Variants in DDX27 observed in about 807,000 individuals in gnomAD.
DDX27 encodes the protein DEAD-box helicase 27.
DDX27 carries 42 observed loss-of-function variants against 99.3 expected under a neutral mutation model. The ratio of observed to expected loss-of-function variants is 0.42; its 90% CI spans 0.33 to 0.55. DDX27 has a LOEUF of 0.55. Ranked by LOEUF, DDX27 falls within the 20% of genes least tolerant of loss-of-function variation. The pLI is 0.07. For missense variants in DDX27, 798 were observed against 976.8 expected, an observed-to-expected ratio of 0.82 and a Z score of 2.44; for synonymous variants, 329 against 353.8, an observed-to-expected ratio of 0.93 and a Z score of 0.79.
rs1229539933 is a variant in DDX27, at chr20:49,228,206, GT to G, written c.707-507del. On this transcript the variant is annotated intron_variant, in intron 7 of 20. Coordinates refer to ENST00000618172, the MANE Select transcript of DDX27 (RefSeq NM_017895.8). Reference sequence around the variant, plus strand: ...CACCCAGGCTAGAGTGCAGTGGTGCGTTCTCAGCTCACTGCAACCTCTGCCT... The same window carrying G: ...CACCCAGGCTAGAGTGCAGTGGTGCGTCTCAGCTCACTGCAACCTCTGCCT... Among the ~76,000 whole-genome samples the G allele has an allele frequency of 6.0e-5, 9 of 151,256 alleles. No homozygotes were observed. In the East Asian group the frequency reaches 1.8e-3, roughly 29 times the overall value.
At position 49,242,164 on chromosome 20, in the gene DDX27, C is replaced by A; in HGVS notation, c.2074C>A (p.Arg692=). ...AGCGAAGAGGAATCGCAGAGCCAAG[C>A]GGGCCCGAGCAATGCCCGAGGAGGA... The part of the protein sequence containing the change: ...RLAKRNRRAK[R]ARAMPEEEPV... Residue 692 remains arginine, a synonymous_variant, in exon 18 of 21, where the codon CGG becomes AGG. Transcript: ENST00000618172. The A allele has an allele frequency of 1.9e-6, 3 of 1,614,134 alleles. No homozygotes were observed. The highest frequency in any genetic ancestry group is 2.5e-6 in the Non-Finnish European group (3 of 1,179,998).
At chr20:49,242,469 C>A in intron 18 of DDX27, 125 bp from the exon 19 acceptor site, 1 of 1,097,342 alleles carries the variant, frequency 9.1e-7, no homozygotes, top group Non-Finnish European at 1.3e-6. Flanking sequence ...CTGGTGAGGA[C>A]AGAATGAAAA....
At chr20:49,242,268 G>A (rs1980505196) in intron 18 of DDX27, 62 bp downstream of exon 18, 2 of 1,591,378 alleles carry the variant, frequency 1.3e-6, no homozygotes, top group Non-Finnish European at 1.7e-6. Flanking sequence ...TGTGCTTTGG[G>A]TCAGGGAGAA....
At chr20:49,242,484 C>T in intron 18 of DDX27, 110 bp from the exon 19 acceptor site, 1 of 1,169,094 alleles carries the variant, frequency 8.6e-7, no homozygotes, top group Non-Finnish European at 1.2e-6. Flanking sequence ...TGAAAATAGT[C>T]TTTGGATGCC....
At chr20:49,243,038 G>C (rs1026642561) in intron 19 of DDX27, among the ~76,000 whole-genome samples, 3 of 152,094 alleles carry the variant, frequency 2.0e-5, no homozygotes, top group Non-Finnish European at 4.4e-5. Context: ...GTATTCTAAT[G>C]GAAGCTATGA....
intron 9 of DDX27, among the ~76,000 whole-genome samples, chr20:49,232,183 G>A (rs772197869): frequency 2.0e-4 from 31 of 151,988 alleles, no homozygotes; most frequent in Non-Finnish European, 3.1e-4. Flanking sequence ...CACCTTGCCC[G>A]GCCCCAGCTC....
At chr20:49,225,788 C>T (rs557612188) in intron 6 of DDX27, among the ~76,000 whole-genome samples, 1 of 152,166 alleles carries the variant, frequency 6.6e-6, no homozygotes, top group Non-Finnish European at 1.5e-5. Flanking sequence ...TCCATCGTGT[C>T]CCTCCTCTTC....
intron 2 of DDX27, 86 bp downstream of exon 2, chr20:49,221,684 A>G (rs1979693745): frequency 8.0e-7 from 1 of 1,256,738 alleles, no homozygotes; most frequent in African/African-American, 1.5e-5. Flanking sequence ...GACCTGACTG[A>G]CCATCTGTTT....
At chr20:49,221,030 C>A (rs9753613) in intron 1 of DDX27, among the ~76,000 whole-genome samples, 2,080 of 152,216 alleles carry the variant, frequency 0.014, 56 homozygotes, top group African/African-American at 0.047. Context: ...GGCGCGATCT[C>A]GGCTCACCGC....
intron 9 of DDX27, among the ~76,000 whole-genome samples, chr20:49,232,946 C>A (rs1482975425): frequency 6.9e-6 from 1 of 144,570 alleles, no homozygotes; most frequent in East Asian, 2.0e-4. Context: ...AAAAAAGACA[C>A]TTGGAACCTG....
intron 7 of DDX27, among the ~76,000 whole-genome samples, 164 bp from the exon 8 acceptor site, chr20:49,228,551 A>G (rs979246507): frequency 6.6e-6 from 1 of 152,240 alleles, no homozygotes; most frequent in Admixed American, 6.5e-5. Context: ...GGGATTACAT[A>G]TGTGAGCCTG....
intron 11 of DDX27, chr20:49,234,516 G>C: frequency 6.5e-6 from 1 of 154,844 alleles, no homozygotes; most frequent in Admixed American, 6.5e-5. Flanking sequence ...TGTCCTCCTT[G>C]GTCTCCCAAA....
chr20:49,233,573 A>G lies in DDX27; in HGVS notation c.1137A>G (p.Lys379=). 1.9e-6 allele frequency: 3 copies of G among 1,611,300 alleles called. No individual in the cohort carries two copies. Among genetic ancestry groups the G allele is most frequent in the Non-Finnish European group, 2.5e-6 (3 of 1,177,758 alleles). ...LFSATMTDEV[K]DLASVSLKNP... is the part of the protein sequence containing the mutation. The stretch of plus-strand genomic sequence containing the variant: ...CCTGGCTTTGTGCTTGGCAGGTGAA[A>G]GATCTGGCTTCTGTCTCCTTGAAGA... The change falls in exon 11 of 21, where the codon AAA becomes AAG. Residue 379 remains lysine, a synonymous_variant. Coordinates refer to ENST00000618172, the MANE Select transcript of DDX27 (RefSeq NM_017895.8).
At chr20:49,231,689 G>C (rs1980116987) in intron 9 of DDX27, among the ~76,000 whole-genome samples, 1 of 152,128 alleles carries the variant, frequency 6.6e-6, no homozygotes, top group Non-Finnish European at 1.5e-5. Context: ...TGATCTGGCA[G>C]ACACTATAGC....
chr20:49,226,285 C>T, intron 6 of DDX27, 145 bp from the exon 7 acceptor site: 1 of 577,074 alleles, frequency 1.7e-6, no homozygotes, highest in Non-Finnish European at 3.1e-6. Context: ...CCACCTCACA[C>T]ATAGTAGGCG....
chr20:49,235,274 C>A, intron 12 of DDX27, 186 bp downstream of exon 12: 1 of 569,750 alleles, frequency 1.8e-6, no homozygotes, highest in South Asian at 3.9e-5. Context: ...ACTCTAACTT[C>A]ATAGTCAGAG....
Position 49,233,672 on chromosome 20 carries a change from G to A in DDX27, c.1236G>A (p.Arg412=). 6.2e-7 allele frequency: 1 copy of A among 1,613,918 alleles called. No individual in the cohort carries two copies. The highest frequency in any genetic ancestry group is 1.3e-5 in the African/African-American group (1 of 75,046). Residue 412 remains arginine (R), a synonymous_variant, in exon 11 of 21, where the codon CGG becomes CGA. Coordinates refer to ENST00000618172, the MANE Select transcript of DDX27 (RefSeq NM_017895.8). ...PFLRQEFIRI[R]PNREGDREAI... is the part of the protein sequence containing the mutation. ...TGCGGCAGGAGTTCATCCGGATCCG[G>A]CCTAATCGTGAAGGAGACCGGGAAG...
chr20:49,236,566 G>C lies in DDX27; in HGVS notation c.1687+56G>C. 6.8e-7 allele frequency: 1 copy of C among 1,480,092 alleles called. No individual in the cohort carries two copies. The allele number at this position is 1,480,092 out of a possible 1,614,324, so 91.7% of individuals were successfully genotyped here. A position where few individuals can be genotyped will look rare whatever the true frequency, so the allele number is the denominator to read the frequency against. On this transcript the variant is annotated intron_variant, in intron 14 of 20. Coordinates refer to ENST00000618172, the MANE Select transcript of DDX27 (RefSeq NM_017895.8). The surrounding 1 kb of genome is among the most constrained non-coding windows in gnomAD (Gnocchi z 4.1). ...TGGCTCGGTGGGCGGGGCAAGGACA[G>C]AGTGTAATGGCTGAGAGCAGGTACT...
In DDX27 at chr20:49,229,191, T is replaced by C. The variant is rs571610309; in HGVS notation, c.880+303T>C. 6.6e-5 allele frequency among the ~76,000 whole-genome samples: 10 copies of C among 152,130 alleles called. No homozygotes were observed. The East Asian group carries it at 1.9e-3, about 29-fold the overall frequency. On this transcript the variant is annotated intron_variant, in intron 8 of 20. Transcript: ENST00000618172. ...TAGCTGGGACTACCGCCACCACGCC[T>C]GGCTAATTTTTTGTATTTTTAGTAG...
Sources: gnomAD v4.1 joint callset for allele counts (sites outside exome capture counted in the v4.1 genomes callset) on GRCh38, gnomAD v4.1.1 for gene constraint, Gnocchi (gnomAD v3.1) non-coding constraint, MANE v1.5 for transcripts, NCBI Gene and HGNC (gene_info 2026-07-23, HGNC 2026-07-21) for gene names.